RSPO3: variants seen among roughly 807,000 people sequenced by gnomAD.
RSPO3 encodes R-spondin-3.
In RSPO3, 17 loss-of-function variants were observed where a neutral mutation model predicts 36.5. The observed-to-expected ratio is 0.47, with a 90% confidence interval of 0.32 to 0.70. The LOEUF (loss-of-function observed/expected upper bound fraction) is 0.70. RSPO3 is among the 30% of genes least tolerant of loss of function. The probability of loss-of-function intolerance (pLI) is 0.04; values close to 1 mark genes in which losing one functional copy is unlikely to be tolerated. For synonymous variants in RSPO3, 108 were observed against 107.0 expected (o/e 1.01, Z -0.06); for missense variants, 294 against 322.5 (o/e 0.91, Z 0.68).
intron 1 of RSPO3, among the ~76,000 whole-genome samples, chr6:127,139,610 C>T (rs1774229542): frequency 6.6e-6 from 1 of 151,524 alleles, no homozygotes; most frequent in African/African-American, 2.4e-5. Context: ...TATTTCTAAC[C>T]TTAAAAAAAA....
In RSPO3 at chr6:127,197,791, C is replaced by A; in HGVS notation, c.*1784C>A. 3.0e-6 allele frequency: 1 copy of A among 337,014 alleles called. No homozygotes were observed. The highest frequency in any genetic ancestry group is 5.4e-6 in the Non-Finnish European group (1 of 185,308). 20.9% of individuals were successfully genotyped at this position (337,014 alleles called of 1,614,324 possible). On this transcript the variant is annotated 3_prime_UTR_variant, in exon 5 of 5. Transcript: ENST00000356698. ...ATTCCTGTTTCTTATTCTGGTGTTT[C>A]TTTCCTTGTCCCTATGAGATAAGTG...
intron 3 of RSPO3, among the ~76,000 whole-genome samples, chr6:127,154,830 G>A (rs1445625023): frequency 6.6e-6 from 1 of 152,136 alleles, no homozygotes; most frequent in Admixed American, 6.6e-5. Flanking sequence ...CCCTCCAAGT[G>A]ATTCTGATGC....
In RSPO3 at chr6:127,150,084, G is replaced by A. The variant is rs199972626; in HGVS notation, c.290-342G>A. Among the ~76,000 whole-genome samples the A allele has an allele frequency of 2.0e-5, 3 of 151,814 alleles. No individual in the cohort carries two copies. In the East Asian group the frequency reaches 5.8e-4, roughly 29 times the overall value. Reference sequence around the variant, plus strand: ...GAACAACACAAAGATAATATCCTTTGTATGTTTTCTTAAGGTTCTGATGAA... The same window carrying A: ...GAACAACACAAAGATAATATCCTTTATATGTTTTCTTAAGGTTCTGATGAA... On this transcript the variant is annotated intron_variant, in intron 2 of 4. Transcript: ENST00000356698.
chr6:127,135,691 C>A (rs1356560648), intron 1 of RSPO3, among the ~76,000 whole-genome samples: 1 of 151,896 alleles, frequency 6.6e-6, no homozygotes, highest in Non-Finnish European at 1.5e-5. Flanking sequence ...TTTTGGGAGG[C>A]CAAGGAGGGC....
At chr6:127,122,553 C>T (rs967077897) in intron 1 of RSPO3, among the ~76,000 whole-genome samples, 11 of 152,168 alleles carry the variant, frequency 7.2e-5, no homozygotes, top group Non-Finnish European at 1.3e-4. Flanking sequence ...GCTCAGTAAC[C>T]TACATAATGC....
chr6:127,145,113 C>T (rs1025531492), intron 1 of RSPO3, among the ~76,000 whole-genome samples: 2 of 152,100 alleles, frequency 1.3e-5, no homozygotes, highest in African/African-American at 4.8e-5. Context: ...CCATGCCCTA[C>T]TCTCCAACTG....
chr6:127,125,512 T>A (rs1773922804), intron 1 of RSPO3, among the ~76,000 whole-genome samples: 1 of 152,166 alleles, frequency 6.6e-6, no homozygotes, highest in African/African-American at 2.4e-5. Flanking sequence ...TTAGATCTAG[T>A]GATCCCTACG....
At chr6:127,142,971 G>A (rs1156232095) in intron 1 of RSPO3, among the ~76,000 whole-genome samples, 5 of 142,078 alleles carry the variant, frequency 3.5e-5, no homozygotes, top group South Asian at 2.3e-4. Context: ...ATGTGTCACC[G>A]TGCCCAGCTA....
At chr6:127,156,286 C>G (rs1774597032) in intron 4 of RSPO3, among the ~76,000 whole-genome samples, 1 of 152,074 alleles carries the variant, frequency 6.6e-6, no homozygotes. Context: ...TCAATATTAA[C>G]TATTAGAATT....
chr6:127,197,626 T>C lies in RSPO3; in HGVS notation c.*1619T>C, dbSNP rs1775540473. ...CTCAAGATCACTGCTTTCTGAAGAA[T>C]TTGCAATGACTCTGGCTTCTGGCTG... On this transcript the variant is annotated 3_prime_UTR_variant, in exon 5 of 5. Transcript: ENST00000356698. 6.3e-6 allele frequency: 9 copies of C among 1,422,298 alleles called. No individual in the cohort carries two copies. The highest frequency in any genetic ancestry group is 8.4e-6 in the Non-Finnish European group (9 of 1,071,620). The allele number at this position is 1,422,298 out of a possible 1,614,324, so 88.1% of individuals were successfully genotyped here.
chr6:127,170,659 A>G (rs543031344), intron 4 of RSPO3, among the ~76,000 whole-genome samples: 1 of 151,870 alleles, frequency 6.6e-6, no homozygotes, highest in Admixed American at 6.6e-5. Context: ...TAGATTAAAC[A>G]AATTGTGATA....
intron 1 of RSPO3, among the ~76,000 whole-genome samples, chr6:127,127,893 T>C (rs1232064831): frequency 1.3e-5 from 2 of 152,092 alleles, no homozygotes; most frequent in South Asian, 2.1e-4. Flanking sequence ...GGTATTCAAG[T>C]ACCCTCCTCT....
chr6:127,163,636 T>C (rs1442798924), intron 4 of RSPO3, among the ~76,000 whole-genome samples: 1 of 152,102 alleles, frequency 6.6e-6, no homozygotes, highest in African/African-American at 2.4e-5. Flanking sequence ...ACATCCCATT[T>C]CTCAGGTCCC....
chr6:127,150,997 A>T (rs1774480905), intron 3 of RSPO3, among the ~76,000 whole-genome samples: 1 of 151,926 alleles, frequency 6.6e-6, no homozygotes, highest in African/African-American at 2.4e-5. Flanking sequence ...CAACAGTTTC[A>T]TAAAACACCT....
At chr6:127,152,638 G>A (rs1372994184) in intron 3 of RSPO3, among the ~76,000 whole-genome samples, 3 of 151,976 alleles carry the variant, frequency 2.0e-5, no homozygotes, top group Non-Finnish European at 4.4e-5. Flanking sequence ...CTTTTCTATC[G>A]AGATTTTAAA....
Position 127,196,025 on chromosome 6 carries a change from T to G in RSPO3, c.*18T>G. The stretch of plus-strand genomic sequence containing the variant: ...TACACTAGAGGGTTCCATGAGATTA[T>G]TGTAGACTCATGATGCTGCTATCTC... On this transcript the variant is annotated 3_prime_UTR_variant, in exon 5 of 5. Transcript: ENST00000356698. The G allele has an allele frequency of 3.8e-6, 6 of 1,571,070 alleles. No individual in the cohort carries two copies. The highest frequency in any genetic ancestry group is 5.2e-6 in the Non-Finnish European group (6 of 1,156,338).
Position 127,118,735 on chromosome 6 carries a change from A to G in RSPO3, c.-458A>G, listed in dbSNP as rs1773766460. ...GGGGTCTCTCCGCCGCCCCTTGGCC[A>G]TGGCCGCTGTGCCGACGGCGCCCGC... On this transcript the variant is annotated 5_prime_UTR_variant, in exon 1 of 5. It removes an upstream start codon present in the reference 5' UTR. Transcript: ENST00000356698. 1 of 152,054 alleles carries G rather than the reference A, an allele frequency of 6.6e-6. No individual in the cohort carries two copies. The highest frequency in any genetic ancestry group is 2.0e-4 in the East Asian group (1 of 5,050). 9.4% of individuals were successfully genotyped at this position (152,054 alleles called of 1,614,324 possible).
chr6:127,181,098 A>T (rs560904500), intron 4 of RSPO3, among the ~76,000 whole-genome samples: 2 of 151,998 alleles, frequency 1.3e-5, no homozygotes, highest in African/African-American at 4.8e-5. Flanking sequence ...TCCCCCAAAG[A>T]TAGACTATGA....
chr6:127,163,932 C>A (rs1201410588), intron 4 of RSPO3, among the ~76,000 whole-genome samples: 1 of 152,014 alleles, frequency 6.6e-6, no homozygotes, highest in Non-Finnish European at 1.5e-5. Context: ...ACTGCATCGC[C>A]TTCTGCTCTC....
Sources: allele counts gnomAD v4.1 joint callset (sites outside exome capture counted in the v4.1 genomes callset), GRCh38; gene constraint gnomAD v4.1.1; transcripts MANE v1.5; gene names NCBI Gene and HGNC (gene_info 2026-07-23, HGNC 2026-07-21).